FN3KRP: variants seen among roughly 807,000 people sequenced by gnomAD.
FN3KRP encodes fructosamine 3 kinase related protein, also known as ketosamine-3-kinase.
Under a neutral mutation model 29.8 loss-of-function variants are expected in FN3KRP, and 33 were observed. The ratio of observed to expected loss-of-function variants is 1.11; its 90% CI spans 0.84 to 1.48. The LOEUF (loss-of-function observed/expected upper bound fraction) is 1.48. Ranked by LOEUF, FN3KRP falls within the 40% of genes most tolerant of loss-of-function variation. FN3KRP has a pLI of 0.00. For synonymous variants in FN3KRP, 157 were observed against 155.2 expected, an observed-to-expected ratio of 1.01 and a Z score of -0.09; for missense variants, 430 against 402.6, an observed-to-expected ratio of 1.07 and a Z score of -0.58.
chr17:82,725,523 C>T (rs1180685390), intron 4 of FN3KRP, among the ~76,000 whole-genome samples: 1 of 152,034 alleles, frequency 6.6e-6, no homozygotes, highest in Admixed American at 6.6e-5. Flanking sequence ...GATCTTGGCT[C>T]ACTGCAACCT....
At position 82,725,504 on chromosome 17, in the gene FN3KRP, C is replaced by T. The variant is rs1026868610; in HGVS notation, c.469-976C>T. Among the ~76,000 whole-genome samples, 22 of 152,056 alleles carry T rather than the reference C, an allele frequency of 1.4e-4. No individual in the cohort carries two copies. In the South Asian group the frequency reaches 3.5e-3, roughly 24 times the overall value. Reference sequence around the variant, plus strand: ...TCTCGCTGTCACCCAGGCTAGAGTGCAGTGGTGCGATCTTGGCTCACTGCA... The same window carrying T: ...TCTCGCTGTCACCCAGGCTAGAGTGTAGTGGTGCGATCTTGGCTCACTGCA... On this transcript the variant is annotated intron_variant, in intron 4 of 5. Transcript: ENST00000269373.
At chr17:82,720,247 T>G (rs770841368) in intron 2 of FN3KRP, 25 bp from the exon 3 acceptor site, 10 of 1,595,248 alleles carry the variant, frequency 6.3e-6, no homozygotes, top group Non-Finnish European at 8.6e-6. Flanking sequence ...GTCATCTGTT[T>G]AGTTGCTGTC....
At chr17:82,726,259 C>T (rs542131955) in intron 4 of FN3KRP, among the ~76,000 whole-genome samples, 1 of 152,308 alleles carries the variant, frequency 6.6e-6, no homozygotes, top group African/African-American at 2.4e-5. Context: ...GAAGCATCCC[C>T]ATGCTTCCCA....
Position 82,726,597 on chromosome 17 carries a change from C to T in FN3KRP, c.586C>T (p.Leu196=), listed in dbSNP as rs750561165. The part of the protein sequence containing the change: ...DREALQLWSA[L]QLKIPDLFRD... ...GGAGGCCCTCCAGCTTTGGTCTGCT[C>T]TGCAGGTGAGTGGGGCCCCACTGCA... Residue 196 remains leucine, a synonymous_variant, in exon 5 of 6, where the codon CTG becomes TTG. Transcript: ENST00000269373. 11 of 1,611,842 alleles carry T rather than the reference C, an allele frequency of 6.8e-6. No individual in the cohort carries two copies. The African/African-American group carries it at 9.3e-5, about 14-fold the overall frequency.
intron 4 of FN3KRP, 78 bp downstream of exon 4, chr17:82,722,964 T>G (rs1246053464): frequency 1.6e-6 from 2 of 1,281,406 alleles, no homozygotes; most frequent in Admixed American, 4.4e-5. Context: ...CACACCCCCC[T>G]CCTTTTTTTG....
At chr17:82,725,870 A>G (rs1199067327) in intron 4 of FN3KRP, among the ~76,000 whole-genome samples, 1 of 152,172 alleles carries the variant, frequency 6.6e-6, no homozygotes, top group Non-Finnish European at 1.5e-5. Context: ...GCTACAAAAC[A>G]ACGTAAAGAA....
At chr17:82,725,527 G>A (rs535095478) in intron 4 of FN3KRP, among the ~76,000 whole-genome samples, 2 of 152,080 alleles carry the variant, frequency 1.3e-5, no homozygotes, top group Admixed American at 1.3e-4. Context: ...TTGGCTCACT[G>A]CAACCTCCAG....
In FN3KRP at chr17:82,727,212, C is replaced by T; in HGVS notation, c.*41C>T. On this transcript the variant is annotated 3_prime_UTR_variant, in exon 6 of 6. Coordinates refer to ENST00000269373, the MANE Select transcript of FN3KRP (RefSeq NM_024619.4). ...GAAGGAGGCCTCAGAGGTTTCTCCA[C>T]AGTCCTCTTCTGGGCAAATTCTTGT... 2.6e-6 allele frequency: 4 copies of T among 1,549,656 alleles called. No homozygotes were observed. The highest frequency in any genetic ancestry group is 2.6e-6 in the Non-Finnish European group (3 of 1,138,930).
At chr17:82,726,711 G>C (rs770434312) in intron 5 of FN3KRP, 109 bp downstream of exon 5, 27 of 1,513,456 alleles carry the variant, frequency 1.8e-5, no homozygotes, top group Non-Finnish European at 2.3e-5. Context: ...TTCTGGGTGG[G>C]AAGCGGGTGC....
At chr17:82,719,531 A>G (rs12941965) in intron 2 of FN3KRP, among the ~76,000 whole-genome samples, 1 of 152,000 alleles carries the variant, frequency 6.6e-6, no homozygotes, top group Non-Finnish European at 1.5e-5. Flanking sequence ...GAGGCGGGTG[A>G]ATCACTTGAG....
At chr17:82,720,957 G>C (rs1468494572) in intron 3 of FN3KRP, 1 of 152,354 alleles carries the variant, frequency 6.6e-6, no homozygotes, top group African/African-American at 2.4e-5. Flanking sequence ...CACCCAGGCG[G>C]CCTGTGTGGT....
intron 2 of FN3KRP, 135 bp downstream of exon 2, chr17:82,719,192 C>A: frequency 2.5e-6 from 2 of 801,602 alleles, no homozygotes; most frequent in Non-Finnish European, 3.9e-6. Flanking sequence ...TTCACACCAC[C>A]CCCCAGCTGG....
chr17:82,718,131 G>A (rs1318698025), intron 1 of FN3KRP, among the ~76,000 whole-genome samples: 1 of 150,760 alleles, frequency 6.6e-6, no homozygotes, highest in Non-Finnish European at 1.5e-5. Context: ...TGTGTGTGTT[G>A]TGTGTCTGTA....
intron 4 of FN3KRP, among the ~76,000 whole-genome samples, chr17:82,724,751 T>C (rs73361138): frequency 0.03 from 4,618 of 152,262 alleles, 74 homozygotes; most frequent in Middle Eastern, 0.044. Flanking sequence ...CACCCTGTGA[T>C]GTGAGTGTGA....
intron 4 of FN3KRP, 96 bp from the exon 5 acceptor site, chr17:82,726,384 T>C (rs2046837114): frequency 6.6e-7 from 1 of 1,504,894 alleles, no homozygotes; most frequent in African/African-American, 1.4e-5. Context: ...GTGCCGCTCC[T>C]GCAGCCCTCT....
Position 82,726,859 on chromosome 17 carries a change from C to G in FN3KRP, c.618C>G (p.Asp206Glu). 6.4e-7 allele frequency: 1 copy of G among 1,553,764 alleles called. No individual in the cohort carries two copies. The highest frequency in any genetic ancestry group is 1.7e-4 in the Middle Eastern group (1 of 5,740). The change falls in exon 6 of 6, where the codon GAC becomes GAG. Residue 206 changes from aspartate (D) to glutamate (E), a missense_variant. Transcript: ENST00000269373. ...TAAAGATCCCTGACCTGTTCCGTGA[C>G]CTGGAGATCATCCCAGCCTTACTCC... ...LQLKIPDLFR[D>E]LEIIPALLHG...
chr17:82,722,130 G>A (rs1338585971), intron 3 of FN3KRP, among the ~76,000 whole-genome samples: 5 of 148,348 alleles, frequency 3.4e-5, no homozygotes, highest in African/African-American at 7.5e-5. Context: ...CACTGTGCCC[G>A]GCCATTTTTA....
chr17:82,726,393 C>T lies in FN3KRP; in HGVS notation c.469-87C>T. Reference sequence around the variant, plus strand: ...TCCCACGTGCCGCTCCTGCAGCCCTCTCCACTTTGAGATGCTTGTGGGTAG... The same window carrying T: ...TCCCACGTGCCGCTCCTGCAGCCCTTTCCACTTTGAGATGCTTGTGGGTAG... On this transcript the variant is annotated intron_variant, in intron 4 of 5. Transcript: ENST00000269373. The T allele has an allele frequency of 1.6e-5, 24 of 1,535,210 alleles. No individual in the cohort carries two copies. The South Asian group carries it at 2.5e-4, about 16-fold the overall frequency.
At chr17:82,723,807 C>G (rs73361135) in intron 4 of FN3KRP, among the ~76,000 whole-genome samples, 5,665 of 151,970 alleles carry the variant, frequency 0.037, 123 homozygotes, top group South Asian at 0.066. Flanking sequence ...TGTCCTTTCT[C>G]GGGGTCCTTC....
Sources: allele counts gnomAD v4.1 joint callset (sites outside exome capture counted in the v4.1 genomes callset), GRCh38; gene constraint gnomAD v4.1.1; transcripts MANE v1.5; gene names NCBI Gene and HGNC (gene_info 2026-07-23, HGNC 2026-07-21).